Variants in IL1RAPL2 observed in about 807,000 individuals in gnomAD.
IL1RAPL2 encodes the protein interleukin 1 receptor accessory protein like 2.
A neutral mutation model predicts 44.1 loss-of-function variants in IL1RAPL2; 3 were observed. The ratio of observed to expected loss-of-function variants is 0.07; its 90% CI spans 0.03 to 0.18. The LOEUF is 0.18. Ranked by LOEUF, IL1RAPL2 falls within the 10% of genes least tolerant of loss-of-function variation. The probability of loss-of-function intolerance (pLI) is 1.00; values close to 1 mark genes in which losing one functional copy is unlikely to be tolerated. For synonymous variants in IL1RAPL2, 181 were observed against 178.8 expected, an observed-to-expected ratio of 1.01 and a Z score of -0.10; for missense variants, 391 against 496.4, an observed-to-expected ratio of 0.79 and a Z score of 2.02.
chrX:104,954,667 G>T, intron 2 of IL1RAPL2, among the ~76,000 whole-genome samples: 1 of 112,026 alleles, frequency 8.9e-6, no homozygotes, highest in Non-Finnish European at 1.9e-5. Flanking sequence ...CTCGCAAGTA[G>T]CTAGGACTAC....
intron 2 of IL1RAPL2, among the ~76,000 whole-genome samples, chrX:105,089,610 A>G (rs748629439): frequency 1.6e-4 from 18 of 111,487 alleles, no homozygotes; most frequent in African/African-American, 3.9e-4. Context: ...GTCTTTCAAG[A>G]GTGTTATTAG....
At chrX:105,603,548 A>AGAT (rs2037270063) in intron 6 of IL1RAPL2, among the ~76,000 whole-genome samples, 1 of 111,595 alleles carries the variant, frequency 9.0e-6, no homozygotes, top group African/African-American at 3.2e-5. Flanking sequence ...AAATATTATT[A>AGAT]GATATAAAGA....
chrX:104,901,926 C>T (rs1923829686), intron 2 of IL1RAPL2, among the ~76,000 whole-genome samples: 1 of 112,119 alleles, frequency 8.9e-6, no homozygotes, highest in African/African-American at 3.2e-5. Context: ...TTATTGTTTA[C>T]ATTATGCTGA....
chrX:104,893,434 A>C (rs1923530192), intron 2 of IL1RAPL2, among the ~76,000 whole-genome samples: 1 of 111,297 alleles, frequency 9.0e-6, no homozygotes, highest in Admixed American at 9.5e-5. Flanking sequence ...GTCTCTTTGT[A>C]GGTCACTCAG....
chrX:104,773,972 A>G (rs190258784), intron 2 of IL1RAPL2, among the ~76,000 whole-genome samples: 1 of 112,210 alleles, frequency 8.9e-6, no homozygotes, highest in Non-Finnish European at 1.9e-5. Context: ...GTAGTGCCAA[A>G]TCTTTCAACA....
chrX:104,899,375 T>A (rs1923748038), intron 2 of IL1RAPL2, among the ~76,000 whole-genome samples: 1 of 112,297 alleles, frequency 8.9e-6, no homozygotes, highest in Non-Finnish European at 1.9e-5. Flanking sequence ...AATTTTATTT[T>A]GCTTTTTGTT....
At chrX:105,424,198 A>T (rs1394403028) in intron 5 of IL1RAPL2, among the ~76,000 whole-genome samples, 1 of 112,399 alleles carries the variant, frequency 8.9e-6, no homozygotes, top group Admixed American at 9.4e-5. Flanking sequence ...ACATGTGCCT[A>T]AGGTGGTCAG....
chrX:104,734,411 A>T (rs1931978000), intron 2 of IL1RAPL2, among the ~76,000 whole-genome samples: 1 of 112,814 alleles, frequency 8.9e-6, no homozygotes. Flanking sequence ...GCATCAACAG[A>T]TGAATGGATA....
chrX:104,927,757 A>G (rs1477666858), intron 2 of IL1RAPL2, among the ~76,000 whole-genome samples: 1 of 111,905 alleles, frequency 8.9e-6, no homozygotes, highest in African/African-American at 3.2e-5. Context: ...TTTTCCTTCT[A>G]TATTCCTTAG....
intron 2 of IL1RAPL2, among the ~76,000 whole-genome samples, chrX:104,713,407 A>G (rs935539026): frequency 3.6e-5 from 4 of 110,857 alleles, no homozygotes; most frequent in East Asian, 2.9e-4. Flanking sequence ...CTCAAAGCAC[A>G]TTACTTGAAA....
chrX:105,398,047 G>A (rs774731774), intron 5 of IL1RAPL2, among the ~76,000 whole-genome samples: 71 of 111,315 alleles, frequency 6.4e-4, no homozygotes, highest in African/African-American at 1.9e-3. Context: ...TAATTATACC[G>A]TCCCTTCCTG....
At chrX:105,317,341 T>A (rs1229532772) in intron 5 of IL1RAPL2, among the ~76,000 whole-genome samples, 2 of 112,115 alleles carry the variant, frequency 1.8e-5, no homozygotes, top group East Asian at 5.6e-4. Context: ...ACAGTGATGA[T>A]CCATTTGCAT....
At chrX:105,403,538 G>C (rs775770772) in intron 5 of IL1RAPL2, among the ~76,000 whole-genome samples, 19 of 111,545 alleles carry the variant, frequency 1.7e-4, no homozygotes, top group Middle Eastern at 4.6e-3. Flanking sequence ...TTATAGAAAA[G>C]CTCATGGAAA....
intron 2 of IL1RAPL2, among the ~76,000 whole-genome samples, chrX:105,105,955 A>G (rs1402992733): frequency 1.8e-5 from 2 of 111,504 alleles, no homozygotes; most frequent in East Asian, 5.7e-4. Flanking sequence ...TTTGTGGAAG[A>G]GAAGTAGCCC....
At chrX:104,586,837 C>T (rs1440497420) in intron 1 of IL1RAPL2, among the ~76,000 whole-genome samples, 2 of 112,218 alleles carry the variant, frequency 1.8e-5, no homozygotes, top group Non-Finnish European at 3.8e-5. Flanking sequence ...AATTTTCTCA[C>T]CTTATTTTCT....
chrX:105,398,508 A>G (rs1241961222), intron 5 of IL1RAPL2, among the ~76,000 whole-genome samples: 1 of 110,581 alleles, frequency 9.0e-6, no homozygotes, highest in Non-Finnish European at 1.9e-5. Flanking sequence ...GTGTGTATGT[A>G]ATTAGGAATG....
At chrX:105,146,339 G>C (rs1022955875) in intron 2 of IL1RAPL2, among the ~76,000 whole-genome samples, 9 of 110,431 alleles carry the variant, frequency 8.1e-5, no homozygotes, top group Non-Finnish European at 1.5e-4. Context: ...TATTCCTGTT[G>C]GCCAAAGAAA....
chrX:105,569,875 C>T (rs773341452), intron 6 of IL1RAPL2, among the ~76,000 whole-genome samples: 12 of 111,446 alleles, frequency 1.1e-4, no homozygotes, highest in Non-Finnish European at 1.9e-4. Context: ...TTTTGCACAG[C>T]CACATTAGTA....
At chrX:105,285,126 G>A (rs765519416) in intron 5 of IL1RAPL2, among the ~76,000 whole-genome samples, 25 of 111,728 alleles carry the variant, frequency 2.2e-4, no homozygotes, top group Non-Finnish European at 4.0e-4. Flanking sequence ...GTGCTGATTC[G>A]CATAACATTC....
Sources: allele counts gnomAD v4.1 joint callset (sites outside exome capture counted in the v4.1 genomes callset), GRCh38; gene constraint gnomAD v4.1.1; transcripts MANE v1.5; gene names NCBI Gene and HGNC (gene_info 2026-07-23, HGNC 2026-07-21).